Variants in URAD observed in about 807,000 individuals in gnomAD.
The protein encoded by URAD is putative 2-oxo-4-hydroxy-4-carboxy-5-ureidoimidazoline decarboxylase.
Under a neutral mutation model 4.6 loss-of-function variants are expected in URAD, and 4 were observed. That is an observed-to-expected ratio of 0.87 (90% confidence interval 0.43 to 1.98). The LOEUF is 1.98. URAD is among the 30% of genes most tolerant of loss of function. URAD has a pLI of 0.03. For synonymous variants in URAD, 144 were observed against 118.2 expected, an observed-to-expected ratio of 1.22 and a Z score of -1.41; for missense variants, 300 against 255.3, an observed-to-expected ratio of 1.18 and a Z score of -1.19.
chr13:27,984,700 T>C (rs1180145302), intron 1 of URAD, among the ~76,000 whole-genome samples: 1 of 152,218 alleles, frequency 6.6e-6, no homozygotes, highest in Non-Finnish European at 1.5e-5. Context: ...ATTTTAAGGC[T>C]GGGCGCGGTG....
intron 1 of URAD, among the ~76,000 whole-genome samples, chr13:27,988,041 C>T (rs952067385): frequency 6.6e-6 from 1 of 152,188 alleles, no homozygotes; most frequent in Non-Finnish European, 1.5e-5. Context: ...TCACTGCAAT[C>T]TCCGCTTCCC....
At chr13:27,984,396 A>T (rs1593191964) in intron 1 of URAD, among the ~76,000 whole-genome samples, 1 of 152,194 alleles carries the variant, frequency 6.6e-6, no homozygotes, top group East Asian at 1.9e-4. Context: ...GATTGGCTGG[A>T]GAAGGTACTT....
intron 1 of URAD, among the ~76,000 whole-genome samples, chr13:27,984,592 C>A (rs570927721): frequency 6.6e-6 from 1 of 152,312 alleles, no homozygotes; most frequent in Non-Finnish European, 1.5e-5. Flanking sequence ...GTAACTTGAA[C>A]GTCTCTCTAA....
In URAD at chr13:27,978,032, C is replaced by T; in HGVS notation, c.*74G>A. On this transcript the variant is annotated 3_prime_UTR_variant, in exon 2 of 2. Transcript: ENST00000332715. Reference sequence around the variant, plus strand: ...TTCCAGGCCCGAGTCCGCCTCCCGCCCAGGACGCACAGCTCCGGGCCGTGG... The same window carrying T: ...TTCCAGGCCCGAGTCCGCCTCCCGCTCAGGACGCACAGCTCCGGGCCGTGG... 1.6e-6 allele frequency: 2 copies of T among 1,283,570 alleles called. No individual in the cohort carries two copies. Among genetic ancestry groups the T allele is most frequent in the South Asian group, 1.7e-5 (1 of 57,540 alleles). 79.5% of individuals were successfully genotyped at this position (1,283,570 alleles called of 1,614,324 possible). A position where few individuals can be genotyped will look rare whatever the true frequency, so the allele number is the denominator to read the frequency against.
chr13:27,988,312 A>T, intron 1 of URAD, 151 bp downstream of exon 1: 1 of 794,554 alleles, frequency 1.3e-6, no homozygotes, highest in Non-Finnish European at 1.9e-6. Context: ...GACTGGTCTC[A>T]AATTCCTGGG....
At chr13:27,979,679 T>C (rs1214024035) in intron 1 of URAD, among the ~76,000 whole-genome samples, 1 of 152,208 alleles carries the variant, frequency 6.6e-6, no homozygotes, top group Non-Finnish European at 1.5e-5. Flanking sequence ...GTGGGGTCTG[T>C]TGGAAAAGGC....
rs1341298555 is a variant in URAD at position 27,978,133 on chromosome 13, G to A, written c.495C>T (p.Leu165=). Residue 165 remains leucine, a synonymous_variant, in exon 2 of 2, where the codon CTC becomes CTT. Transcript: ENST00000332715. ...KKIGSLRLAD[L]LRADPAKL ...ACAGCTTGGCGGGGTCTGCGCGGAG[G>A]AGGTCGGCCAGGCGCAGGCTGCCGA... 7 of 1,528,690 alleles carry A rather than the reference G, an allele frequency of 4.6e-6. No individual in the cohort carries two copies. The highest frequency in any genetic ancestry group is 6.1e-6 in the Non-Finnish European group (7 of 1,151,184). The allele number at this position is 1,528,690 out of a possible 1,614,324, so 94.7% of individuals were successfully genotyped here. A position where few individuals can be genotyped will look rare whatever the true frequency, so the allele number is the denominator to read the frequency against.
Position 27,978,459 on chromosome 13 carries a change from A to G in URAD, c.176-7T>C. On this transcript the variant is annotated splice_polypyrimidine_tract_variant and splice_region_variant and intron_variant, in intron 1 of 1. Coordinates refer to ENST00000332715, the MANE Select transcript of URAD (RefSeq NM_001105577.2). ...CGCAGGATGCCCTCCTGGCCTGCGG[A>G]GAAGCACAGACACCGGCGGGAGCGC... 7.6e-7 allele frequency: 1 copy of G among 1,320,126 alleles called. No individual in the cohort carries two copies. The highest frequency in any genetic ancestry group is 9.6e-7 in the Non-Finnish European group (1 of 1,040,324). 81.8% of individuals were successfully genotyped at this position (1,320,126 alleles called of 1,614,324 possible). A position where few individuals can be genotyped will look rare whatever the true frequency, so the allele number is the denominator to read the frequency against.
Position 27,978,140 on chromosome 13 carries a change from G to C in URAD, c.488C>G (p.Ala163Gly), listed in dbSNP as rs1443119323. The change falls in exon 2 of 2, where the codon GCC (alanine) becomes GGC (glycine). Residue 163 changes from alanine to glycine, a missense_variant. Physicochemically the swap from Ala to Gly is moderately conservative, Grantham distance 60. Transcript: ENST00000332715. Reference protein sequence around the residue: ...EVKKIGSLRLADLLRADPAKL With the variant: ...EVKKIGSLRLGDLLRADPAKL ...GGCGGGGTCTGCGCGGAGGAGGTCG[G>C]CCAGGCGCAGGCTGCCGATCTTCTT... 6.5e-7 allele frequency: 1 copy of C among 1,529,846 alleles called. No homozygotes were observed. The highest frequency in any genetic ancestry group is 8.7e-7 in the Non-Finnish European group (1 of 1,151,430). 94.8% of individuals were successfully genotyped at this position (1,529,846 alleles called of 1,614,324 possible).
chr13:27,986,670 A>T (rs1870037808), intron 1 of URAD, among the ~76,000 whole-genome samples: 1 of 151,404 alleles, frequency 6.6e-6, no homozygotes, highest in Non-Finnish European at 1.5e-5. Context: ...CAGCCTCACC[A>T]CTCCTTTGGG....
intron 1 of URAD, among the ~76,000 whole-genome samples, chr13:27,980,684 G>C (rs1869848309): frequency 6.6e-6 from 1 of 152,202 alleles, no homozygotes; most frequent in South Asian, 2.1e-4. Flanking sequence ...GGAGGTCCGG[G>C]CGCGGGGTCT....
At chr13:27,986,380 T>C (rs1870028763) in intron 1 of URAD, among the ~76,000 whole-genome samples, 1 of 152,158 alleles carries the variant, frequency 6.6e-6, no homozygotes, top group Admixed American at 6.6e-5. Context: ...AAAACAAGCC[T>C]CGGGAGCGGG....
At chr13:27,980,234 C>T (rs1431494889) in intron 1 of URAD, among the ~76,000 whole-genome samples, 1 of 152,220 alleles carries the variant, frequency 6.6e-6, no homozygotes, top group Non-Finnish European at 1.5e-5. Flanking sequence ...GGCCTAACAC[C>T]ACTGTGATAG....
intron 1 of URAD, among the ~76,000 whole-genome samples, chr13:27,985,810 A>T (rs1329189137): frequency 6.6e-6 from 1 of 152,198 alleles, no homozygotes; most frequent in Non-Finnish European, 1.5e-5. Flanking sequence ...TCCCATCGGT[A>T]AGAATGGGAG....
Position 27,978,341 on chromosome 13 carries a change from A to G in URAD, c.287T>C (p.Leu96Pro), listed in dbSNP as rs1362296056. The G allele has an allele frequency of 1.5e-5, 21 of 1,395,336 alleles. No individual in the cohort carries two copies. The East Asian group carries it at 1.5e-4, about 10-fold the overall frequency. The allele number at this position is 1,395,336 out of a possible 1,614,324, so 86.4% of individuals were successfully genotyped here. A position where few individuals can be genotyped will look rare whatever the true frequency, so the allele number is the denominator to read the frequency against. Residue 96 changes from leucine (L) to proline (P), a missense_variant, in exon 2 of 2, where the codon CTG becomes CCG. Leu to Pro is a moderately conservative substitution (Grantham distance 98). Transcript: ENST00000332715. ...REQSGAGLRS[L>P]GADERLRLAE... ...CAGCCGCAGCCGCTCGTCCGCGCCC[A>G]GGCTCCTCAGGCCTGCGCCGCTCTG...
intron 1 of URAD, among the ~76,000 whole-genome samples, chr13:27,985,398 C>A (rs912713646): frequency 6.6e-6 from 1 of 152,156 alleles, no homozygotes; most frequent in Admixed American, 6.5e-5. Flanking sequence ...GGTGAGGATG[C>A]AGTGAGCCAA....
chr13:27,986,221 A>G (rs977532571), intron 1 of URAD, among the ~76,000 whole-genome samples: 2 of 152,230 alleles, frequency 1.3e-5, no homozygotes, highest in Admixed American at 1.3e-4. Flanking sequence ...GGGTAATGCC[A>G]GAATTCCCAC....
At chr13:27,984,421 A>G (rs1163973894) in intron 1 of URAD, among the ~76,000 whole-genome samples, 3 of 152,150 alleles carry the variant, frequency 2.0e-5, no homozygotes, top group Non-Finnish European at 4.4e-5. Flanking sequence ...CAATAGCACT[A>G]GAGCTCAATA....
In URAD at chr13:27,977,917, C is replaced by T. The variant is rs1293497593; in HGVS notation, c.*189G>A. Reference sequence around the variant, plus strand: ...AAACAATATGGATATTTTGGCAACGCGTGCGCGTGTGGGTGGGCGGACAAA... The same window carrying T: ...AAACAATATGGATATTTTGGCAACGTGTGCGCGTGTGGGTGGGCGGACAAA... On this transcript the variant is annotated 3_prime_UTR_variant, in exon 2 of 2. Coordinates refer to ENST00000332715, the MANE Select transcript of URAD (RefSeq NM_001105577.2). 1.9e-6 allele frequency: 1 copy of T among 516,714 alleles called. No homozygotes were observed. The highest frequency in any genetic ancestry group is 3.3e-6 in the Non-Finnish European group (1 of 302,866). The allele number at this position is 516,714 out of a possible 1,614,324, so 32.0% of individuals were successfully genotyped here.
Sources: allele counts gnomAD v4.1 joint callset (sites outside exome capture counted in the v4.1 genomes callset), GRCh38; gene constraint gnomAD v4.1.1; transcripts MANE v1.5; gene names NCBI Gene and HGNC (gene_info 2026-07-23, HGNC 2026-07-21).